The following MDGA1 variants were observed in gnomAD, a reference collection of about 807,000 sequenced individuals.
MDGA1 encodes MAM domain-containing glycosylphosphatidylinositol anchor protein 1.
In MDGA1, 54 loss-of-function variants were observed where a neutral mutation model predicts 101.5. The observed-to-expected ratio is 0.53, with a 90% confidence interval of 0.43 to 0.67. The LOEUF (loss-of-function observed/expected upper bound fraction) is 0.67, where lower values mean the gene tolerates loss of function less well. Ranked by LOEUF, MDGA1 falls within the 30% of genes least tolerant of loss-of-function variation. The probability of loss-of-function intolerance (pLI) is 0.00; values close to 1 mark genes in which losing one functional copy is unlikely to be tolerated. For synonymous variants in MDGA1, 533 were observed against 558.3 expected, an observed-to-expected ratio of 0.95 and a Z score of 0.64; for missense variants, 1,083 against 1,323.8, an observed-to-expected ratio of 0.82 and a Z score of 2.82.
At chr6:37,668,118 G>T (rs1434911074) in intron 1 of MDGA1, among the ~76,000 whole-genome samples, 1 of 151,902 alleles carries the variant, frequency 6.6e-6, no homozygotes, top group African/African-American at 2.4e-5. Context: ...AGGCATGGGG[G>T]TGTGTGCCTG....
intron 11 of MDGA1, 50 bp from the exon 12 acceptor site, chr6:37,646,006 G>T (rs921203701): frequency 6.2e-7 from 1 of 1,613,408 alleles, no homozygotes; most frequent in Non-Finnish European, 8.5e-7. Flanking sequence ...GTGGGGCTCT[G>T]CAGAGGATAC....
chr6:37,666,359 CA>C (rs34277023), intron 1 of MDGA1, among the ~76,000 whole-genome samples: 14,434 of 99,678 alleles, frequency 0.14, 964 homozygotes, highest in East Asian at 0.44. Flanking sequence ...CACTCCGTCT[CA>C]AAAAAAAAAA....
intron 1 of MDGA1, among the ~76,000 whole-genome samples, chr6:37,690,139 G>A (rs908595352): frequency 6.6e-6 from 1 of 152,202 alleles, no homozygotes. Flanking sequence ...CAACAGGCCA[G>A]GGCCTTTGCA....
At chr6:37,666,191 C>CAAAAAAAAA (rs146449734) in intron 1 of MDGA1, among the ~76,000 whole-genome samples, 1 of 122,256 alleles carries the variant, frequency 8.2e-6, no homozygotes, top group African/African-American at 2.9e-5. Flanking sequence ...ACTAAAAATA[C>CAAAAAAAAA]AAAAAAAAAA....
intron 7 of MDGA1, 86 bp from the exon 8 acceptor site, chr6:37,650,491 C>T: frequency 1.5e-6 from 2 of 1,348,968 alleles, no homozygotes; most frequent in Non-Finnish European, 9.7e-7. Flanking sequence ...CTGCTTACCT[C>T]CCGCTAGGGG....
chr6:37,657,248 G>A (rs756216049), intron 3 of MDGA1, among the ~76,000 whole-genome samples: 9 of 152,216 alleles, frequency 5.9e-5, no homozygotes, highest in Non-Finnish European at 1.2e-4. Flanking sequence ...GAAGCCCCAG[G>A]CATCCGTTTT....
In MDGA1 at chr6:37,663,938, G is replaced by A. The variant is rs375399316; in HGVS notation, c.207+29C>T. 10 of 1,612,826 alleles carry A rather than the reference G, an allele frequency of 6.2e-6. No individual in the cohort carries two copies. In the South Asian group the frequency reaches 6.6e-5, roughly 11 times the overall value. On this transcript the variant is annotated intron_variant, in intron 2 of 16. Transcript: ENST00000434837. ...CCTAGGCAAGGTGAGGGTAGGAGGG[G>A]CCTGAGCAAGGCTGGGCTGGGGGCT...
chr6:37,675,972 T>G (rs1262485283), intron 1 of MDGA1, among the ~76,000 whole-genome samples: 1 of 152,228 alleles, frequency 6.6e-6, no homozygotes, highest in African/African-American at 2.4e-5. Context: ...TTTACCCATC[T>G]AGTCTACAGC....
intron 1 of MDGA1, among the ~76,000 whole-genome samples, chr6:37,695,315 G>A (rs1182514295): frequency 6.6e-6 from 1 of 152,240 alleles, no homozygotes; most frequent in Non-Finnish European, 1.5e-5. Flanking sequence ...CTGCCCTGGA[G>A]AGGCCAAGGC....
Position 37,654,734 on chromosome 6 carries a change from G to A in MDGA1, c.712+66C>T, listed in dbSNP as rs977450894. On this transcript the variant is annotated intron_variant, in intron 5 of 16. Transcript: ENST00000434837. ...TGTGCCTGGAGTCCCTGTGGGGTGG[G>A]GCACTATCTCCTGGTTGGGAGTTAG... is the stretch of plus-strand genomic sequence containing the variant. 3 of 1,599,252 alleles carry A rather than the reference G, an allele frequency of 1.9e-6. No individual in the cohort carries two copies. The African/African-American group carries it at 4.0e-5, about 21-fold the overall frequency.
intron 2 of MDGA1, among the ~76,000 whole-genome samples, chr6:37,663,161 C>T (rs1042612035): frequency 6.6e-6 from 1 of 152,176 alleles, no homozygotes; most frequent in African/African-American, 2.4e-5. Context: ...CAGCAAATTC[C>T]TCCCATCCCT....
intron 14 of MDGA1, chr6:37,639,157 A>G (rs1232714644): frequency 1.8e-5 from 3 of 162,184 alleles, no homozygotes; most frequent in African/African-American, 7.2e-5. Context: ...AGTAAGGCCC[A>G]GTAAGGTCCA....
At chr6:37,690,955 G>A (rs939136812) in intron 1 of MDGA1, among the ~76,000 whole-genome samples, 1 of 151,836 alleles carries the variant, frequency 6.6e-6, no homozygotes, top group African/African-American at 2.4e-5. Context: ...ACTTCTATTT[G>A]TCAAGGCCAG....
In MDGA1 at chr6:37,657,229, C is replaced by T. The variant is rs73413386; in HGVS notation, c.382+1016G>A. 6.0e-3 allele frequency among the ~76,000 whole-genome samples: 920 copies of T among 152,308 alleles called. 21 individuals are homozygous for T. The highest frequency in any genetic ancestry group is 0.021 in the African/African-American group (862 of 41,556). ...CACCCCTGATCAATTACATCAGAATCTCTGGAAGGAAGCCCCAGGCATCCG... is the reference window on the plus strand; with the variant it reads ...CACCCCTGATCAATTACATCAGAATTTCTGGAAGGAAGCCCCAGGCATCCG... On this transcript the variant is annotated intron_variant, in intron 3 of 16. Transcript: ENST00000434837.
rs1277683917 is a variant in MDGA1 at position 37,696,229 on chromosome 6, A to G, written c.67+516T>C. ...GGCGCCAGGGCCAGGGGATGCCGGC[A>G]TCCTGATCAGGGTGTCAAGCCCTGA... On this transcript the variant is annotated intron_variant, in intron 1 of 16. Transcript: ENST00000434837. The surrounding 1 kb of genome is among the most constrained non-coding windows in gnomAD (Gnocchi z 5.6). 2.6e-5 allele frequency among the ~76,000 whole-genome samples: 4 copies of G among 152,298 alleles called. No homozygotes were observed. Among genetic ancestry groups the G allele is most frequent in the South Asian group, 2.1e-4 (1 of 4,830 alleles).
In MDGA1 at chr6:37,637,198, C is replaced by A; in HGVS notation, c.*170G>T. The A allele has an allele frequency of 1.7e-6, 1 of 584,900 alleles. No homozygotes were observed. Among genetic ancestry groups the A allele is most frequent in the Non-Finnish European group, 3.1e-6 (1 of 324,812 alleles). The allele number at this position is 584,900 out of a possible 1,614,324, so 36.2% of individuals were successfully genotyped here. A position where few individuals can be genotyped will look rare whatever the true frequency, so the allele number is the denominator to read the frequency against. On this transcript the variant is annotated 3_prime_UTR_variant, in exon 17 of 17. Transcript: ENST00000434837. The stretch of plus-strand genomic sequence containing the variant: ...AACAGCTGTCTCCAGGGCCTCAGTG[C>A]CTGGCCTCTGTCCTTGTTCTCTGCT...
In MDGA1 at chr6:37,647,314, G is replaced by A; in HGVS notation, c.1905C>T (p.Tyr635=). ...GGGTGTCGAAGTAAAACTCCGGGCT[G>A]TAGGCTTTGGCTAAGAGGGCGGGGA... ...ACLFQVSAKA[Y]SPEFYFDTPN... is the part of the protein sequence containing the mutation. The change falls in exon 10 of 17, where the codon TAC becomes TAT. Residue 635 remains tyrosine (Y), a synonymous_variant. Transcript: ENST00000434837. 6.5e-7 allele frequency: 1 copy of A among 1,546,944 alleles called. No individual in the cohort carries two copies. The highest frequency in any genetic ancestry group is 8.7e-7 in the Non-Finnish European group (1 of 1,144,390).
At chr6:37,669,243 C>CA (rs1761820579) in intron 1 of MDGA1, among the ~76,000 whole-genome samples, 1 of 152,142 alleles carries the variant, frequency 6.6e-6, no homozygotes. Context: ...TCTGGATACA[C>CA]AAAAACACAT....
At chr6:37,657,165 A>T (rs1184715032) in intron 3 of MDGA1, among the ~76,000 whole-genome samples, 4 of 137,410 alleles carry the variant, frequency 2.9e-5, no homozygotes, top group Admixed American at 7.1e-5. Flanking sequence ...ACTTTAAAAA[A>T]ATAATTAAAA....
Sources: gnomAD v4.1 joint callset for allele counts (sites outside exome capture counted in the v4.1 genomes callset) on GRCh38, gnomAD v4.1.1 for gene constraint, Gnocchi (gnomAD v3.1) non-coding constraint, MANE v1.5 for transcripts, NCBI Gene and HGNC (gene_info 2026-07-23, HGNC 2026-07-21) for gene names.